Variants in CEP70 observed in about 807,000 individuals in gnomAD.
The protein encoded by CEP70 is centrosomal protein of 70 kDa.
Under a neutral mutation model 90.9 loss-of-function variants are expected in CEP70, and 70 were observed. That is an observed-to-expected ratio of 0.77 (90% CI 0.64 to 0.94). The LOEUF is 0.94. Among genes scored for constraint, CEP70 ranks in the 40% least tolerant of loss-of-function variants. The pLI is 0.00. For missense variants in CEP70, 648 were observed against 669.0 expected, an observed-to-expected ratio of 0.97 and a Z score of 0.35; for synonymous variants, 220 against 228.3, an observed-to-expected ratio of 0.96 and a Z score of 0.33.
In CEP70 at chr3:138,546,298, T is replaced by A. The variant is rs556778923; in HGVS notation, c.466-8951A>T. Among the ~76,000 whole-genome samples, 3 of 152,250 alleles carry A rather than the reference T, an allele frequency of 2.0e-5. No homozygotes were observed. The South Asian group carries it at 6.2e-4, about 32-fold the overall frequency. ...AGAAAATATGTATAGCTAGTATGTA[T>A]CAATAAAAAAGAGTCAGTATGTACC... is the stretch of plus-strand genomic sequence containing the variant. On this transcript the variant is annotated intron_variant, in intron 6 of 17. Transcript: ENST00000264982.
At chr3:138,566,173 A>C (rs866216000) in intron 6 of CEP70, among the ~76,000 whole-genome samples, 34 of 152,234 alleles carry the variant, frequency 2.2e-4, no homozygotes, top group African/African-American at 8.0e-4. Flanking sequence ...AAGTCAGAAA[A>C]TAACAGATGC....
rs1023774623 is a variant in CEP70 at position 138,570,477 on chromosome 3, T to G, written c.306A>C (p.Gln102His). The part of the protein sequence containing the change: ...QQLRNELQLE[Q>H]SRAANQEQRA... ...GTTGTTCTTGATTGGCTGCTCGGCT[T>G]TGCTCTAGCTGAAGTTCATTTCTAA... Residue 102 changes from glutamine (Q) to histidine (H), a missense_variant, in exon 6 of 18, where the codon CAA (glutamine) becomes CAC (histidine). By Grantham distance (24) the Gln-to-His change is conservative. Transcript: ENST00000264982. The G allele has an allele frequency of 3.1e-6, 5 of 1,606,370 alleles. No homozygotes were observed. The African/African-American group carries it at 5.4e-5, about 17-fold the overall frequency.
chr3:138,543,598 G>A (rs1417895772), intron 6 of CEP70, among the ~76,000 whole-genome samples: 2 of 152,204 alleles, frequency 1.3e-5, no homozygotes, highest in African/African-American at 4.8e-5. Flanking sequence ...TCCCCACTGG[G>A]ATCACCTGTT....
chr3:138,586,959 G>A (rs1399399835), intron 2 of CEP70, among the ~76,000 whole-genome samples: 2 of 151,812 alleles, frequency 1.3e-5, no homozygotes, highest in South Asian at 4.2e-4. Context: ...ATACACATCT[G>A]TGCACCCATG....
intron 13 of CEP70, among the ~76,000 whole-genome samples, chr3:138,501,213 G>A (rs750451919): frequency 4.6e-5 from 7 of 151,898 alleles, no homozygotes; most frequent in Non-Finnish European, 8.8e-5. Flanking sequence ...TCATTATTTT[G>A]AATTGTTGAT....
intron 2 of CEP70, among the ~76,000 whole-genome samples, chr3:138,581,808 C>A (rs553801985): frequency 2.7e-5 from 4 of 149,884 alleles, no homozygotes; most frequent in South Asian, 4.2e-4. Context: ...TATTCAAGTA[C>A]AAGAAAGCTG....
chr3:138,540,622 G>A (rs1483139855), intron 6 of CEP70, among the ~76,000 whole-genome samples: 1 of 152,126 alleles, frequency 6.6e-6, no homozygotes, highest in Non-Finnish European at 1.5e-5. Context: ...GCAGAGGAAA[G>A]GGAACACTTA....
At chr3:138,576,358 C>T (rs1410106700) in intron 2 of CEP70, among the ~76,000 whole-genome samples, 1 of 152,090 alleles carries the variant, frequency 6.6e-6, no homozygotes, top group Admixed American at 6.5e-5. Flanking sequence ...ATAAAGAAGA[C>T]CATTACATAA....
In CEP70 at chr3:138,509,283, G is replaced by A. The variant is rs547931099; in HGVS notation, c.945-739C>T. ...AGCAGGAAGCATGGGAAGGGCCACT[G>A]GTTTGGGTACTGTAGCAGGAACAGC... On this transcript the variant is annotated intron_variant, in intron 11 of 17. Transcript: ENST00000264982. Among the ~76,000 whole-genome samples, 12 of 152,308 alleles carry A rather than the reference G, an allele frequency of 7.9e-5. No individual in the cohort carries two copies. The South Asian group carries it at 2.5e-3, about 32-fold the overall frequency.
At chr3:138,523,097 C>A (rs1194887970) in intron 11 of CEP70, among the ~76,000 whole-genome samples, 1 of 152,130 alleles carries the variant, frequency 6.6e-6, no homozygotes. Context: ...TGTAATCCGG[C>A]ATATAAACAG....
intron 6 of CEP70, among the ~76,000 whole-genome samples, chr3:138,548,788 G>A (rs2039406813): frequency 6.6e-6 from 1 of 152,152 alleles, no homozygotes; most frequent in Non-Finnish European, 1.5e-5. Context: ...ACTACTACAG[G>A]AATACATCAG....
At chr3:138,551,196 G>T (rs1341139883) in intron 6 of CEP70, among the ~76,000 whole-genome samples, 1 of 152,164 alleles carries the variant, frequency 6.6e-6, no homozygotes, top group Non-Finnish European at 1.5e-5. Flanking sequence ...AAGCTAGAAG[G>T]GATTGGAGCC....
At chr3:138,530,737 T>G (rs1239421243) in intron 8 of CEP70, 35 of 985,300 alleles carry the variant, frequency 3.6e-5, no homozygotes, top group Non-Finnish European at 4.1e-5. Context: ...TCTTTACTAA[T>G]GTAATACTTG....
intron 7 of CEP70, among the ~76,000 whole-genome samples, chr3:138,535,702 T>C (rs1480034958): frequency 6.6e-6 from 1 of 152,194 alleles, no homozygotes; most frequent in African/African-American, 2.4e-5. Context: ...TGACTTCATC[T>C]GGTACATTGC....
intron 5 of CEP70, 71 bp downstream of exon 5, chr3:138,570,963 G>T: frequency 7.9e-7 from 1 of 1,265,464 alleles, no homozygotes; most frequent in Non-Finnish European, 1.1e-6. Context: ...TAAATTTCAA[G>T]ATTTTTTTCA....
intron 11 of CEP70, among the ~76,000 whole-genome samples, chr3:138,520,027 G>T (rs1175402715): frequency 1.3e-5 from 2 of 152,170 alleles, no homozygotes; most frequent in Non-Finnish European, 2.9e-5. Flanking sequence ...GGCAGGGGTT[G>T]CAATCCTAGT....
chr3:138,560,978 T>G (rs568554638), intron 6 of CEP70, among the ~76,000 whole-genome samples: 48 of 152,288 alleles, frequency 3.2e-4, no homozygotes, highest in African/African-American at 1.1e-3. Flanking sequence ...CTGACGGCTC[T>G]GAAGAGAGCA....
chr3:138,566,576 T>C (rs963439226), intron 6 of CEP70, among the ~76,000 whole-genome samples: 9 of 151,874 alleles, frequency 5.9e-5, no homozygotes, highest in African/African-American at 2.2e-4. Context: ...AACCAAACAC[T>C]GCACATTCTC....
At chr3:138,541,440 A>AC (rs1218153185) in intron 6 of CEP70, among the ~76,000 whole-genome samples, 2 of 151,758 alleles carry the variant, frequency 1.3e-5, no homozygotes, top group African/African-American at 2.4e-5. Context: ...GAAAAAAAAA[A>AC]ACCTGTCAAC....
Sources: gnomAD v4.1 joint callset for allele counts (sites outside exome capture counted in the v4.1 genomes callset) on GRCh38, gnomAD v4.1.1 for gene constraint, MANE v1.5 for transcripts, NCBI Gene and HGNC (gene_info 2026-07-23, HGNC 2026-07-21) for gene names.